Variants in COL4A3 observed in about 807,000 individuals in gnomAD.
The protein encoded by COL4A3 is collagen type IV alpha 3 chain, also known as collagen alpha-3(IV) chain.
In COL4A3, 135 loss-of-function variants were observed where a neutral mutation model predicts 217.4. The ratio of observed to expected loss-of-function variants is 0.62; its 90% CI spans 0.54 to 0.72. The LOEUF (loss-of-function observed/expected upper bound fraction) is 0.72, where lower values mean the gene tolerates loss of function less well. Among genes scored for constraint, COL4A3 ranks in the 30% least tolerant of loss-of-function variants. The pLI, the probability that COL4A3 is intolerant of heterozygous loss-of-function variation, is 0.00. For synonymous variants in COL4A3, 690 were observed against 736.3 expected (o/e 0.94, Z 1.02); for missense variants, 1,868 against 2,119.9 (o/e 0.88, Z 2.33).
Position 227,312,097 on chromosome 2 carries a change from A to G in COL4A3, c.*227A>G. ...TCAAAGTTCTCTGTGGCAAAGCAGC[A>G]ACTATTCACAAAATATCACCAAAAA... is the stretch of plus-strand genomic sequence containing the variant. On this transcript the variant is annotated 3_prime_UTR_variant, in exon 52 of 52. Coordinates refer to ENST00000396578, the MANE Select transcript of COL4A3 (RefSeq NM_000091.5). 1 of 637,360 alleles carries G rather than the reference A, an allele frequency of 1.6e-6. No homozygotes were observed. The allele number at this position is 637,360 out of a possible 1,614,324, so 39.5% of individuals were successfully genotyped here.
At chr2:227,292,534 G>A (rs2072804191) in intron 37 of COL4A3, among the ~76,000 whole-genome samples, 1 of 152,172 alleles carries the variant, frequency 6.6e-6, no homozygotes, top group Non-Finnish European at 1.5e-5. Flanking sequence ...GAGTAACAGA[G>A]TAGTATATTT....
rs1490739709 is a variant in COL4A3, at chr2:227,276,365, T to C, written c.1928-20T>C. Reference sequence around the variant, plus strand: ...AGCTTCAATATATACCCCAATCTTATGACCACAAATTTCCTTAAGGCCCTA... The same window carrying C: ...AGCTTCAATATATACCCCAATCTTACGACCACAAATTTCCTTAAGGCCCTA... On this transcript the variant is annotated intron_variant, in intron 26 of 51. Coordinates refer to ENST00000396578, the MANE Select transcript of COL4A3 (RefSeq NM_000091.5). 4 of 1,588,928 alleles carry C rather than the reference T, an allele frequency of 2.5e-6. No individual in the cohort carries two copies. The highest frequency in any genetic ancestry group is 1.7e-6 in the Non-Finnish European group (2 of 1,157,288).
Position 227,240,176 on chromosome 2 carries a change from C to A in COL4A3, c.178C>A (p.Pro60Thr). ...EKGFPGPPGS[P>T]GQKGFTGPEG... ...GGGCTTTCCTGGACCCCCCGGTTCT[C>A]CTGGCCAGAAAGGATTCACAGGTCC... The change falls in exon 3 of 52, where the codon CCT (proline) becomes ACT (threonine). Residue 60 changes from proline to threonine, a missense_variant. Pro to Thr is a conservative substitution (Grantham distance 38). This residue lies in a region of COL4A3 where 365 missense variants were observed against 333.8 expected (regional missense o/e 1.09). Coordinates refer to ENST00000396578, the MANE Select transcript of COL4A3 (RefSeq NM_000091.5). 6.2e-7 allele frequency: 1 copy of A among 1,611,722 alleles called. No individual in the cohort carries two copies. Among genetic ancestry groups the A allele is most frequent in the Non-Finnish European group, 8.5e-7 (1 of 1,179,164 alleles).
intron 1 of COL4A3, among the ~76,000 whole-genome samples, chr2:227,172,004 C>A (rs2065493340): frequency 6.6e-6 from 1 of 152,180 alleles, no homozygotes; most frequent in African/African-American, 2.4e-5. Flanking sequence ...GAGAGGGGAG[C>A]ATGCGCAGTG....
In COL4A3 at chr2:227,266,424, C is replaced by T. The variant is rs73080086; in HGVS notation, c.1323C>T (p.Ile441=). The T allele has an allele frequency of 5.6e-6, 9 of 1,613,622 alleles. No individual in the cohort carries two copies. The African/African-American group carries it at 8.0e-5, about 14-fold the overall frequency. Residue 441 remains isoleucine (I), a synonymous_variant, in exon 22 of 52, where the codon ATC becomes ATT. Transcript: ENST00000396578. The part of the protein sequence containing the change: ...SPGPPGPPGD[I]VFRKGPPGDH... ...GGTGCTGTATTTTTATAGGTGACAT[C>T]GTTTTTCGCAAGGGTCCACCTGGAG...
At chr2:227,181,492 T>G (rs781616826) in intron 1 of COL4A3, among the ~76,000 whole-genome samples, 1 of 152,164 alleles carries the variant, frequency 6.6e-6, no homozygotes, top group Non-Finnish European at 1.5e-5. Context: ...TCCCTAACTA[T>G]ACATGTAATG....
chr2:227,294,944 G>GTTTTTTTTTTT lies in COL4A3; in HGVS notation c.3419-14_3419-4dup. The GTTTTTTTTTTT allele has an allele frequency of 7.3e-7, 1 of 1,368,784 alleles. No homozygotes were observed. The highest frequency in any genetic ancestry group is 1.0e-6 in the Non-Finnish European group (1 of 979,574). The allele number at this position is 1,368,784 out of a possible 1,614,324, so 84.8% of individuals were successfully genotyped here. On this transcript the variant is annotated intron_variant, in intron 39 of 51. Coordinates refer to ENST00000396578, the MANE Select transcript of COL4A3 (RefSeq NM_000091.5). ...GTATACCATAGTTTGGGGTTTTTGG[G>GTTTTTTTTTTT]TTTTTTTTTTTTTTTTCAGGTCTTC...
At chr2:227,209,826 G>A (rs2067245272) in intron 1 of COL4A3, among the ~76,000 whole-genome samples, 1 of 151,974 alleles carries the variant, frequency 6.6e-6, no homozygotes, top group Admixed American at 6.6e-5. Flanking sequence ...TGGGCAATAA[G>A]AGCAAAACTC....
intron 36 of COL4A3, among the ~76,000 whole-genome samples, chr2:227,290,518 C>A (rs2072626803): frequency 6.6e-6 from 1 of 151,190 alleles, no homozygotes; most frequent in South Asian, 2.1e-4. Context: ...CCAACAACAA[C>A]AAAAAAAACA....
chr2:227,266,224 A>T lies in COL4A3; in HGVS notation c.1316-193A>T, dbSNP rs930140053. On this transcript the variant is annotated intron_variant, in intron 21 of 51. Coordinates refer to ENST00000396578, the MANE Select transcript of COL4A3 (RefSeq NM_000091.5). ...TGAGCTTTCAAAGATCAACTACCTTAAAAATACCACATCTATGTAATATGA... is the reference window on the plus strand; with the variant it reads ...TGAGCTTTCAAAGATCAACTACCTTTAAAATACCACATCTATGTAATATGA... Among the ~76,000 whole-genome samples, 12 of 152,310 alleles carry T rather than the reference A, an allele frequency of 7.9e-5. No individual in the cohort carries two copies. In the East Asian group the frequency reaches 2.3e-3, roughly 29 times the overall value.
chr2:227,254,256 G>GTT, intron 14 of COL4A3, 82 bp downstream of exon 14: 10 of 1,288,570 alleles, frequency 7.8e-6, no homozygotes, highest in Admixed American at 1.9e-5. Context: ...TTTGTCTTAA[G>GTT]TTGTTTTTTT....
chr2:227,183,856 A>G (rs1277936481), intron 1 of COL4A3, among the ~76,000 whole-genome samples: 1 of 152,172 alleles, frequency 6.6e-6, no homozygotes, highest in Non-Finnish European at 1.5e-5. Flanking sequence ...TTAAATCTTC[A>G]ACTGAGAGTG....
At chr2:227,273,681 G>A (rs978607952) in intron 26 of COL4A3, among the ~76,000 whole-genome samples, 4 of 152,192 alleles carry the variant, frequency 2.6e-5, no homozygotes, top group African/African-American at 9.7e-5. Flanking sequence ...AAAGTGCTAG[G>A]ATTACAGGCG....
chr2:227,184,960 G>T (rs1446249068), intron 1 of COL4A3, among the ~76,000 whole-genome samples: 1 of 132,342 alleles, frequency 7.6e-6, no homozygotes, highest in Non-Finnish European at 1.5e-5. Context: ...GGAGTGCAGT[G>T]GTGTGAACTT....
rs1161148191 is a variant in COL4A3 at position 227,242,164 on chromosome 2, T to C, written c.234+1932T>C. On this transcript the variant is annotated intron_variant, in intron 3 of 51. Transcript: ENST00000396578. ...TAGTCATAAGTAGTGGGTCCTCAGT[T>C]ACCCATAATGCCGTCCAACTTGGCT... Among the ~76,000 whole-genome samples, 3 of 152,326 alleles carry C rather than the reference T, an allele frequency of 2.0e-5. No individual in the cohort carries two copies. In the East Asian group the frequency reaches 5.8e-4, roughly 29 times the overall value.
chr2:227,198,753 G>A (rs879483900), intron 1 of COL4A3, among the ~76,000 whole-genome samples: 3 of 152,132 alleles, frequency 2.0e-5, no homozygotes, highest in Non-Finnish European at 2.9e-5. Context: ...AGTTGAGAGA[G>A]AAGAGCCTGT....
At chr2:227,290,945 TCAA>T in intron 37 of COL4A3, 59 bp downstream of exon 37, 1 of 1,558,450 alleles carries the variant, frequency 6.4e-7, no homozygotes, top group Non-Finnish European at 8.7e-7. Flanking sequence ...TTGAAAAATA[TCAA>T]CAAGTACCCA....
At chr2:227,304,629 G>A (rs2073426751) in intron 46 of COL4A3, among the ~76,000 whole-genome samples, 1 of 152,136 alleles carries the variant, frequency 6.6e-6, no homozygotes, top group Admixed American at 6.5e-5. Flanking sequence ...GCTTCTGAAT[G>A]GAATGATTAT....
Position 227,284,228 on chromosome 2 carries a change from G to A in COL4A3, c.2764G>A (p.Gly922Arg). ...TCTGTTAGGGAGCCCTGGAATTCCA[G>A]GAGTAAAGGGCCAGAGAGGAACCCC... ...PGQRGSPGIPGVKGQRGTPGA... is the reference protein window; with the variant it reads ...PGQRGSPGIPRVKGQRGTPGA... Residue 922 changes from glycine (G) to arginine (R), a missense_variant, in exon 34 of 52, where the codon GGA becomes AGA. By Grantham distance (125) the Gly-to-Arg change is moderately radical. This residue lies in a region of COL4A3 where 1,503 missense variants were observed against 1,786.1 expected (regional missense o/e 0.84). Transcript: ENST00000396578. 6.2e-7 allele frequency: 1 copy of A among 1,614,058 alleles called. No homozygotes were observed. Among genetic ancestry groups the A allele is most frequent in the African/African-American group, 1.3e-5 (1 of 75,036 alleles).
Sources: allele counts gnomAD v4.1 joint callset (sites outside exome capture counted in the v4.1 genomes callset), GRCh38; gene constraint gnomAD v4.1.1; regional missense constraint gnomAD v4.1.1; transcripts MANE v1.5; gene names NCBI Gene and HGNC (gene_info 2026-07-23, HGNC 2026-07-21).